The following TAF1 variants were observed in gnomAD, a reference collection of about 807,000 sequenced individuals.
TAF1 encodes TATA-box binding protein associated factor 1.
TAF1 carries 2 observed loss-of-function variants against 138.5 expected under a neutral mutation model. That is an observed-to-expected ratio of 0.01 (90% CI 0.01 to 0.05). TAF1 has a LOEUF of 0.05. Ranked by LOEUF, TAF1 falls within the 10% of genes least tolerant of loss-of-function variation. The probability of loss-of-function intolerance (pLI) is 1.00; values close to 1 mark genes in which losing one functional copy is unlikely to be tolerated. For synonymous variants in TAF1, 437 were observed against 503.2 expected (o/e 0.87, Z 1.76); for missense variants, 709 against 1,478.0 (o/e 0.48, Z 8.53).
chrX:71,406,600 A>G, intron 25 of TAF1, 38 bp from the exon 26 acceptor site: 1 of 1,159,194 alleles, frequency 8.6e-7, no homozygotes. Context: ...GGGAACTAGA[A>G]ATAGGGGCTG....
chrX:71,427,196 A>G (rs1216401303), intron 32 of TAF1, among the ~76,000 whole-genome samples: 1 of 112,350 alleles, frequency 8.9e-6, no homozygotes, highest in Non-Finnish European at 1.9e-5. Flanking sequence ...TAACTAGAAC[A>G]TGCATATATC....
chrX:71,424,398 G>A (rs570791437), intron 32 of TAF1, among the ~76,000 whole-genome samples, 160 bp downstream of exon 32: 8 of 100,372 alleles, frequency 8.0e-5, no homozygotes, highest in South Asian at 9.5e-4. Context: ...CCAGGCACAC[G>A]CCACCGTGCC....
chrX:71,517,201 G>C (rs189893310), intron 13 of TAF1, among the ~76,000 whole-genome samples: 174 of 111,467 alleles, frequency 1.6e-3, no homozygotes, highest in Middle Eastern at 9.2e-3. Context: ...GGTAGTGGAG[G>C]GGGGAGGAAA....
chrX:71,382,714 T>TA (rs780881019), intron 10 of TAF1, 47 bp from the exon 11 acceptor site: 1 of 1,202,136 alleles, frequency 8.3e-7, no homozygotes, highest in Non-Finnish European at 1.1e-6. Flanking sequence ...AGAAAGGTAA[T>TA]AGAGAAGGAT....
At chrX:71,437,578 G>C (rs1396490513) in intron 32 of TAF1, among the ~76,000 whole-genome samples, 1 of 106,275 alleles carries the variant, frequency 9.4e-6, no homozygotes, top group African/African-American at 3.4e-5. Flanking sequence ...GACTGGTGCT[G>C]GTGACATGCA....
chrX:71,376,424 C>T (rs2033475658), intron 4 of TAF1, among the ~76,000 whole-genome samples: 1 of 110,749 alleles, frequency 9.0e-6, no homozygotes, highest in African/African-American at 3.3e-5. Flanking sequence ...AATCCGAGCA[C>T]TTTGGGAGGT....
At chrX:71,407,946 G>A (rs1312697187) in intron 27 of TAF1, 28 bp from the exon 28 acceptor site, 4 of 1,191,004 alleles carry the variant, frequency 3.4e-6, no homozygotes, top group Admixed American at 2.4e-5. Context: ...GTTATTTGCT[G>A]ATGTATGGTT....
chrX:71,420,225 C>T (rs1167910573), intron 28 of TAF1: 11 of 760,861 alleles, frequency 1.4e-5, no homozygotes, highest in East Asian at 1.3e-4. Context: ...TGGAAAACCC[C>T]GATCTGTTGT....
At chrX:71,507,558 TCAAA>T (rs1486924750) in intron 13 of TAF1, among the ~76,000 whole-genome samples, 1,753 of 111,159 alleles carry the variant, frequency 0.016, 43 homozygotes, top group African/African-American at 0.054. Flanking sequence ...GAGGAATGCA[TCAAA>T]TGCATAGAGG....
intron 25 of TAF1, 131 bp downstream of exon 25, chrX:71,401,870 C>T (rs2035190048): frequency 4.8e-6 from 3 of 624,688 alleles, no homozygotes; most frequent in Non-Finnish European, 7.5e-6. Context: ...GATGGCGTTT[C>T]CTCAGTTATT....
At chrX:71,401,791 T>C in intron 25 of TAF1, 52 bp downstream of exon 25, 1 of 1,126,355 alleles carries the variant, frequency 8.9e-7, no homozygotes, top group Non-Finnish European at 1.2e-6. Context: ...TTGAGGTTGG[T>C]TATATTGGTG....
intron 13 of TAF1, among the ~76,000 whole-genome samples, chrX:71,498,359 G>A (rs1026538798): frequency 1.3e-4 from 15 of 111,671 alleles, no homozygotes; most frequent in African/African-American, 4.9e-4. Flanking sequence ...GGGTATAGGG[G>A]TTGGGTACAA....
chrX:71,467,228 AG>A (rs1483982448), downstream of TAF1, among the ~76,000 whole-genome samples: 9 of 109,102 alleles, frequency 8.2e-5, no homozygotes, highest in African/African-American at 3.0e-4. Flanking sequence ...TCCTAGGCAG[AG>A]GACCCTGCGG....
chrX:71,456,161 C>T (rs2038270484), intron 34 of TAF1, among the ~76,000 whole-genome samples: 1 of 111,618 alleles, frequency 9.0e-6, no homozygotes, highest in African/African-American at 3.3e-5. Context: ...CCAGGAGAGT[C>T]TAGCCATTGA....
At position 71,459,392 on chromosome X, in the gene TAF1, C is replaced by G. The variant is rs955240583; in HGVS notation, c.5065-160C>G. On this transcript the variant is annotated intron_variant, in intron 35 of 37. Coordinates refer to ENST00000423759, the MANE Select transcript of TAF1 (RefSeq NM_004606.5). ...CCAATCTGACTTTAATCCTTGGGAC[C>G]AACTAAACAGTCTATCCACCAAAAA... The G allele has an allele frequency of 4.7e-5, 47 of 1,001,953 alleles. No individual in the cohort carries two copies. The African/African-American group carries it at 8.2e-4, about 18-fold the overall frequency. 82.6% of individuals were successfully genotyped at this position (1,001,953 alleles called of 1,213,427 possible).
At chrX:71,401,963 C>A in intron 25 of TAF1, among the ~76,000 whole-genome samples, 1 of 111,677 alleles carries the variant, frequency 9.0e-6, no homozygotes, top group Middle Eastern at 4.6e-3. Context: ...AGTCTGTTTC[C>A]TTAGTTACAA....
exon 14 of TAF1, chrX:71,528,583 C>T (rs1602125764): frequency 6.0e-6 from 2 of 331,237 alleles, no homozygotes; most frequent in Non-Finnish European, 1.2e-5. Flanking sequence ...CCACAAAGAT[C>T]TCTGGAGCAA....
chrX:71,400,113 A>G (rs2035097548), intron 24 of TAF1, among the ~76,000 whole-genome samples: 1 of 105,166 alleles, frequency 9.5e-6, no homozygotes, highest in Non-Finnish European at 1.9e-5. Context: ...TTTTAGAGAC[A>G]GAGTCTTGCT....
Position 71,367,152 on chromosome X carries a change from CCGCCT to C in TAF1, c.121-344_121-340del, listed in dbSNP as rs745721606. 3.5e-4 allele frequency among the ~76,000 whole-genome samples: 39 copies of C among 112,581 alleles called. No individual in the cohort carries two copies. In the South Asian group the frequency reaches 6.6e-3, roughly 19 times the overall value. On this transcript the variant is annotated intron_variant, in intron 1 of 37. Transcript: ENST00000423759. Reference sequence around the variant, plus strand: ...ATGCGAAACAGGGACCGAACGAGCCCCGCCTCGACGCCTCCAATCCCACTGATCCC... The same window carrying C: ...ATGCGAAACAGGGACCGAACGAGCCCCGACGCCTCCAATCCCACTGATCCC...
Sources: allele counts gnomAD v4.1 joint callset (sites outside exome capture counted in the v4.1 genomes callset), GRCh38; gene constraint gnomAD v4.1.1; transcripts MANE v1.5; gene names NCBI Gene and HGNC (gene_info 2026-07-23, HGNC 2026-07-21).